Variants in TRIM35 observed in about 807,000 individuals in gnomAD.
TRIM35 encodes the protein E3 ubiquitin-protein ligase TRIM35.
In TRIM35, 37 loss-of-function variants were observed where a neutral mutation model predicts 49.1. The ratio of observed to expected loss-of-function variants is 0.75; its 90% confidence interval spans 0.58 to 0.99. TRIM35 has a LOEUF of 0.99. Among genes scored for constraint, TRIM35 ranks in the 50% least tolerant of loss-of-function variants. TRIM35 has a pLI of 0.00. For synonymous variants in TRIM35, 302 were observed against 289.3 expected, an observed-to-expected ratio of 1.04 and a Z score of -0.45; for missense variants, 648 against 702.7, an observed-to-expected ratio of 0.92 and a Z score of 0.88.
At chr8:27,296,596 G>A (rs978874029) in intron 2 of TRIM35, among the ~76,000 whole-genome samples, 2 of 152,200 alleles carry the variant, frequency 1.3e-5, no homozygotes, top group African/African-American at 4.8e-5. Flanking sequence ...GGATGGGCAG[G>A]CAGTGCCACC....
intron 3 of TRIM35, among the ~76,000 whole-genome samples, chr8:27,291,188 A>G (rs574191014): frequency 3.5e-4 from 54 of 152,234 alleles, no homozygotes; most frequent in Non-Finnish European, 6.5e-4. Flanking sequence ...TCTAGACTAT[A>G]TAAAGAACTC....
intron 4 of TRIM35, 86 bp downstream of exon 4, chr8:27,290,070 C>A (rs752164284): frequency 9.2e-6 from 14 of 1,521,290 alleles, no homozygotes; most frequent in Non-Finnish European, 1.3e-5. Context: ...CTGGTTGTTA[C>A]CTGCTTGCCC....
intron 3 of TRIM35, among the ~76,000 whole-genome samples, chr8:27,293,615 G>A (rs2130274166): frequency 6.6e-6 from 1 of 152,184 alleles, no homozygotes; most frequent in East Asian, 1.9e-4. Flanking sequence ...CAAGGTGGAA[G>A]CATCACTTGA....
intron 2 of TRIM35, among the ~76,000 whole-genome samples, chr8:27,296,238 T>C (rs1363386772): frequency 6.6e-6 from 1 of 151,242 alleles, no homozygotes; most frequent in Non-Finnish European, 1.5e-5. Flanking sequence ...ATGTGCGCCA[T>C]GGTGGTCTGC....
chr8:27,308,345 C>T (rs2130322581), intron 1 of TRIM35, among the ~76,000 whole-genome samples: 1 of 152,344 alleles, frequency 6.6e-6, no homozygotes, highest in East Asian at 1.9e-4. Context: ...AATGTGTTAG[C>T]TGGGATGATT....
In TRIM35 at chr8:27,287,912, G is replaced by A. The variant is rs148377716; in HGVS notation, c.1120C>T (p.Arg374Cys). The change falls in exon 6 of 6, where the codon CGT becomes TGT. Residue 374 changes from arginine to cysteine, a missense_variant. Transcript: ENST00000305364. This position sits in a 1 kb window ranked among gnomAD's most constrained non-coding sequence, Gnocchi z 6.0. ...GLQSWRVGVV[R>C]VRQDSGAEGH... ...TCAGCGCCCGAGTCCTGGCGCACAC[G>A]TACCACGCCCACCCTCCAGCTCTGC... 1.8e-5 allele frequency: 29 copies of A among 1,612,904 alleles called. No individual in the cohort carries two copies. The highest frequency in any genetic ancestry group is 1.6e-4 in the Middle Eastern group (1 of 6,084).
intron 1 of TRIM35, among the ~76,000 whole-genome samples, chr8:27,307,911 T>A (rs552313248): frequency 1.3e-5 from 2 of 152,256 alleles, no homozygotes; most frequent in Non-Finnish European, 2.9e-5. Context: ...CAAAAGGGAC[T>A]GTGCAGATGA....
chr8:27,301,205 TACAA>T (rs1396353276), intron 1 of TRIM35, among the ~76,000 whole-genome samples: 1 of 152,244 alleles, frequency 6.6e-6, no homozygotes. Context: ...TTATGCACTT[TACAA>T]ACATTCTATT....
intron 1 of TRIM35, 53 bp from the exon 2 acceptor site, chr8:27,298,612 G>T: frequency 7.1e-7 from 1 of 1,418,024 alleles, no homozygotes; most frequent in Non-Finnish European, 1.0e-6. Context: ...TGGAGGCTGG[G>T]CAGAGAGGGC....
intron 1 of TRIM35, among the ~76,000 whole-genome samples, chr8:27,304,584 T>A (rs1802745153): frequency 6.6e-6 from 1 of 152,212 alleles, no homozygotes; most frequent in Admixed American, 6.5e-5. Context: ...CTCCAGGTCC[T>A]CTCTACCTTG....
chr8:27,296,655 A>G (rs1802573486), intron 2 of TRIM35, among the ~76,000 whole-genome samples: 1 of 152,254 alleles, frequency 6.6e-6, no homozygotes, highest in Admixed American at 6.5e-5. Context: ...AGTCCTGTAC[A>G]AGGCAAGCCA....
chr8:27,293,437 T>A (rs1246497192), intron 3 of TRIM35, among the ~76,000 whole-genome samples: 2 of 152,172 alleles, frequency 1.3e-5, no homozygotes, highest in East Asian at 3.8e-4. Context: ...CAAGGCATTA[T>A]ATTTAAATAA....
Position 27,288,105 on chromosome 8 carries a change from G to T in TRIM35, c.927C>A (p.Asn309Lys), listed in dbSNP as rs200747493. The change falls in exon 6 of 6, where the codon AAC becomes AAA. Residue 309 changes from asparagine (N) to lysine (K), a missense_variant. Coordinates refer to ENST00000305364, the MANE Select transcript of TRIM35 (RefSeq NM_171982.5). The part of the protein sequence containing the change: ...VESVPFSFDP[N>K]TAAGWLSVSD... ...ACACGGAGAGCCAGCCAGCTGCGGTGTTGGGGTCAAAGCTGAAGGGTACTG... is the reference window on the plus strand; with the variant it reads ...ACACGGAGAGCCAGCCAGCTGCGGTTTTGGGGTCAAAGCTGAAGGGTACTG... 2.2e-5 allele frequency: 35 copies of T among 1,608,306 alleles called. 1 individual carries two copies. The East Asian group carries it at 7.1e-4, about 33-fold the overall frequency.
chr8:27,286,375 T>C lies in TRIM35; in HGVS notation c.*1175A>G. 2.9e-6 allele frequency: 1 copy of C among 343,868 alleles called. No homozygotes were observed. The highest frequency in any genetic ancestry group is 2.1e-5 in the African/African-American group (1 of 46,592). 21.3% of individuals were successfully genotyped at this position (343,868 alleles called of 1,614,324 possible). On this transcript the variant is annotated 3_prime_UTR_variant, in exon 6 of 6. Transcript: ENST00000305364. ...CTCCTCTTCCCTCTCCCACAGCGTT[T>C]AGGGCCACGTCCATGGCGCCACCCC... is the stretch of plus-strand genomic sequence containing the variant.
In TRIM35 at chr8:27,287,219, G is replaced by A; in HGVS notation, c.*331C>T. The A allele has an allele frequency of 3.9e-6, 1 of 256,482 alleles. No individual in the cohort carries two copies. Among genetic ancestry groups the A allele is most frequent in the South Asian group, 7.6e-5 (1 of 13,160 alleles). The allele number at this position is 256,482 out of a possible 1,614,324, so 15.9% of individuals were successfully genotyped here. ...TCCAATGGCTTTACCACACCTCGAT[G>A]AGATGGTTTACAACAGGCCCATTCT... On this transcript the variant is annotated 3_prime_UTR_variant, in exon 6 of 6. Transcript: ENST00000305364. This position sits in a 1 kb window ranked among gnomAD's most constrained non-coding sequence, Gnocchi z 6.0.
In TRIM35 at chr8:27,310,871, G is replaced by C; in HGVS notation, c.365C>G (p.Ser122Cys). 6.2e-7 allele frequency: 1 copy of C among 1,612,616 alleles called. No individual in the cohort carries two copies. The highest frequency in any genetic ancestry group is 8.5e-7 in the Non-Finnish European group (1 of 1,179,560). ...CTGGTGTCGGGGGTCGGCCTGGCAGGAGCAGCACAGCAGCTCCTTGTCCTC... is the reference window on the plus strand; with the variant it reads ...CTGGTGTCGGGGGTCGGCCTGGCAGCAGCAGCACAGCAGCTCCTTGTCCTC... ...CLEDKELLCC[S>C]CQADPRHQGH... The change falls in exon 1 of 6, where the codon TCC (serine) becomes TGC (cysteine). Residue 122 changes from serine (S) to cysteine (C), a missense_variant. Ser to Cys is a moderately radical substitution (Grantham distance 112). Coordinates refer to ENST00000305364, the MANE Select transcript of TRIM35 (RefSeq NM_171982.5).
At chr8:27,294,004 G>A in intron 3 of TRIM35, 76 bp downstream of exon 3, 2 of 1,459,572 alleles carry the variant, frequency 1.4e-6, no homozygotes, top group African/African-American at 1.4e-5. Flanking sequence ...CGTTGGCCAG[G>A]GCTGGTGGGC....
intron 1 of TRIM35, among the ~76,000 whole-genome samples, chr8:27,308,234 C>T (rs1178453516): frequency 1.3e-5 from 2 of 152,144 alleles, no homozygotes; most frequent in South Asian, 2.1e-4. Context: ...ACATTTATTA[C>T]GCAGTAACAG....
intron 1 of TRIM35, chr8:27,304,976 G>C (rs1802755161): frequency 5.5e-6 from 2 of 364,380 alleles, no homozygotes; most frequent in African/African-American, 2.1e-5. Context: ...TGGCCGACCA[G>C]GTTCAAATCC....
Sources: gnomAD v4.1 joint callset for allele counts (sites outside exome capture counted in the v4.1 genomes callset) on GRCh38, gnomAD v4.1.1 for gene constraint, Gnocchi (gnomAD v3.1) non-coding constraint, MANE v1.5 for transcripts, NCBI Gene and HGNC (gene_info 2026-07-23, HGNC 2026-07-21) for gene names.